The following FGGY variants were observed in gnomAD, a reference collection of about 807,000 sequenced individuals.
The protein encoded by FGGY is FGGY carbohydrate kinase domain-containing protein.
Under a neutral mutation model 71.3 loss-of-function variants are expected in FGGY, and 72 were observed. That is an observed-to-expected ratio of 1.01 (90% CI 0.84 to 1.23). The LOEUF is 1.23. FGGY is among the 50% of genes most tolerant of loss of function. The pLI, the probability that FGGY is intolerant of heterozygous loss-of-function variation, is 0.00. For missense variants in FGGY, 668 were observed against 682.3 expected (o/e 0.98, Z 0.23); for synonymous variants, 251 against 250.3 (o/e 1.00, Z -0.02).
chr1:59,655,802 T>C (rs2097212853), intron 11 of FGGY, among the ~76,000 whole-genome samples: 1 of 152,180 alleles, frequency 6.6e-6, no homozygotes, highest in Admixed American at 6.5e-5. Flanking sequence ...CTCACAAAAA[T>C]AATTTGAGGT....
chr1:59,742,605 A>C (rs904519268), intron 14 of FGGY, among the ~76,000 whole-genome samples: 2 of 152,250 alleles, frequency 1.3e-5, no homozygotes, highest in African/African-American at 2.4e-5. Context: ...ATCTTCACTT[A>C]AAGGGCTTAC....
chr1:59,342,730 G>A (rs2050960091), intron 3 of FGGY, among the ~76,000 whole-genome samples: 1 of 152,192 alleles, frequency 6.6e-6, no homozygotes, highest in Non-Finnish European at 1.5e-5. Flanking sequence ...ATTGTGAGGA[G>A]CAGAGAGTGG....
intron 7 of FGGY, among the ~76,000 whole-genome samples, chr1:59,526,517 T>C (rs1440574272): frequency 1.3e-5 from 2 of 152,206 alleles, no homozygotes; most frequent in African/African-American, 2.4e-5. Flanking sequence ...AAAATCCTAA[T>C]ACAACTTGCA....
At chr1:59,372,853 T>C (rs1041151804) in intron 4 of FGGY, among the ~76,000 whole-genome samples, 81 of 151,480 alleles carry the variant, frequency 5.3e-4, no homozygotes, top group Middle Eastern at 3.4e-3. Context: ...TTGACAAAAT[T>C]CAACAACCCT....
chr1:59,491,816 A>G (rs2093873972), intron 6 of FGGY, among the ~76,000 whole-genome samples: 2 of 152,138 alleles, frequency 1.3e-5, no homozygotes, highest in South Asian at 4.1e-4. Flanking sequence ...ATAAGATATG[A>G]ATATTTGAAT....
At chr1:59,378,586 A>G (rs28636046) in intron 4 of FGGY, among the ~76,000 whole-genome samples, 163 bp from the exon 5 acceptor site, 31,456 of 152,016 alleles carry the variant, frequency 0.21, 3,443 homozygotes, top group East Asian at 0.36. Context: ...TTTCCTGTAT[A>G]AGTACTGCTT....
rs191111714 is a variant in FGGY, at chr1:59,715,058, G to A, written c.1512+40925G>A. Among the ~76,000 whole-genome samples the A allele has an allele frequency of 1.8e-3, 279 of 152,202 alleles. 3 individuals are homozygous for A. The highest frequency in any genetic ancestry group is 0.016 in the South Asian group (75 of 4,822). The stretch of plus-strand genomic sequence containing the variant: ...CCTTTCAAGAAAAGCCCTTTCTTTC[G>A]TTGCCTTCTCACATAACAGCTTGGG... On this transcript the variant is annotated intron_variant, in intron 14 of 15. Coordinates refer to ENST00000303721, the MANE Select transcript of FGGY (RefSeq NM_018291.5).
chr1:59,328,639 A>G (rs1097237), intron 2 of FGGY, among the ~76,000 whole-genome samples: 3,101 of 152,290 alleles, frequency 0.02, 107 homozygotes, highest in African/African-American at 0.071. Flanking sequence ...CAAGAGGCCT[A>G]TCTTTTTGCC....
At chr1:59,462,923 A>G (rs1040797841) in intron 6 of FGGY, among the ~76,000 whole-genome samples, 2 of 151,810 alleles carry the variant, frequency 1.3e-5, no homozygotes, top group Admixed American at 1.3e-4. Flanking sequence ...ATCTAGAACT[A>G]GAAATACCAT....
At position 59,602,627 on chromosome 1, in the gene FGGY, C is replaced by T. The variant is rs909870681; in HGVS notation, c.904-5176C>T. On this transcript the variant is annotated intron_variant, in intron 8 of 15. Transcript: ENST00000303721. The stretch of plus-strand genomic sequence containing the variant: ...GCCCCCTGAAATCAAAATGTGTTTA[C>T]AGCTTCATGACTCTGAGCCTTGTCT... Among the ~76,000 whole-genome samples the T allele has an allele frequency of 3.7e-4, 56 of 152,158 alleles. 2 individuals carry two copies.
intron 5 of FGGY, among the ~76,000 whole-genome samples, chr1:59,455,352 T>C (rs1452938226): frequency 6.6e-6 from 1 of 152,190 alleles, no homozygotes; most frequent in African/African-American, 2.4e-5. Context: ...TGGGGATGAC[T>C]GTTCCAGGAA....
At chr1:59,666,070 C>T (rs2153968807) in intron 12 of FGGY, among the ~76,000 whole-genome samples, 1 of 152,296 alleles carries the variant, frequency 6.6e-6, no homozygotes, top group Admixed American at 6.5e-5. Flanking sequence ...TCAACCTGAA[C>T]AATACTGTCA....
chr1:59,459,079 T>C lies in FGGY; in HGVS notation c.670+2003T>C, dbSNP rs2091964524. Among the ~76,000 whole-genome samples the C allele has an allele frequency of 1.3e-5, 2 of 152,198 alleles. 1 individual carries two copies. Among genetic ancestry groups the C allele is most frequent in the East Asian group, 3.8e-4 (2 of 5,196 alleles). ...GTCCTGGATTTGAGCATTAATACAA[T>C]TACCATAATTTGCTCCATGTGGAGC... On this transcript the variant is annotated intron_variant, in intron 6 of 15. Coordinates refer to ENST00000303721, the MANE Select transcript of FGGY (RefSeq NM_018291.5).
intron 2 of FGGY, among the ~76,000 whole-genome samples, chr1:59,325,273 C>T (rs561151809): frequency 6.6e-4 from 100 of 152,214 alleles, no homozygotes; most frequent in African/African-American, 2.3e-3. Flanking sequence ...AGGAGAATGG[C>T]GTGAACCTGG....
At chr1:59,368,391 T>C (rs904800873) in intron 4 of FGGY, among the ~76,000 whole-genome samples, 6 of 152,186 alleles carry the variant, frequency 3.9e-5, no homozygotes, top group Admixed American at 2.6e-4. Flanking sequence ...AGGTTCAGGG[T>C]GGTAACTGTG....
chr1:59,586,439 T>C (rs1023693554), intron 8 of FGGY, among the ~76,000 whole-genome samples: 7 of 151,826 alleles, frequency 4.6e-5, no homozygotes, highest in African/African-American at 1.5e-4. Context: ...TTCTCACTCA[T>C]AGGTGGGAAT....
Position 59,648,198 on chromosome 1 carries a change from G to A in FGGY, c.1221+9823G>A, listed in dbSNP as rs1285252886. ...AGTCTTTGCTATTGTGAATAGTGCC[G>A]CAATAAACATATGTGTGCATGTGTC... On this transcript the variant is annotated intron_variant, in intron 11 of 15. Coordinates refer to ENST00000303721, the MANE Select transcript of FGGY (RefSeq NM_018291.5). Among the ~76,000 whole-genome samples, 29 of 110,350 alleles carry A rather than the reference G, an allele frequency of 2.6e-4. 1 individual carries two copies. The highest frequency in any genetic ancestry group is 3.4e-4 in the Non-Finnish European group (19 of 56,372). 72.4% of individuals were successfully genotyped at this position (110,350 alleles called of 152,430 possible). A position where few individuals can be genotyped will look rare whatever the true frequency, so the allele number is the denominator to read the frequency against.
At chr1:59,600,982 CTTT>C (rs377505663) in intron 8 of FGGY, among the ~76,000 whole-genome samples, 25 of 127,012 alleles carry the variant, frequency 2.0e-4, no homozygotes, top group African/African-American at 5.1e-4. Context: ...ATTCTCTATG[CTTT>C]TTTTTTTTTT....
At chr1:59,650,342 T>C (rs1315640402) in intron 11 of FGGY, among the ~76,000 whole-genome samples, 3 of 133,236 alleles carry the variant, frequency 2.3e-5, no homozygotes, top group Admixed American at 7.4e-5. Context: ...CTCCTCTTTG[T>C]ACCTCTGGTA....
Sources: gnomAD v4.1 joint callset for allele counts (sites outside exome capture counted in the v4.1 genomes callset) on GRCh38, gnomAD v4.1.1 for gene constraint, MANE v1.5 for transcripts, NCBI Gene and HGNC (gene_info 2026-07-23, HGNC 2026-07-21) for gene names.